SHE: variants seen among roughly 807,000 people sequenced by gnomAD.
SHE encodes the protein SH2 domain-containing adapter protein E.
SHE carries 11 observed loss-of-function variants against 49.8 expected under a neutral mutation model. The observed-to-expected ratio is 0.22, with a 90% CI of 0.14 to 0.37. The LOEUF is 0.37. SHE is among the 10% of genes least tolerant of loss of function. The probability of loss-of-function intolerance (pLI) is 1.00; values close to 1 mark genes in which losing one functional copy is unlikely to be tolerated. For synonymous variants in SHE, 310 were observed against 278.1 expected, an observed-to-expected ratio of 1.11 and a Z score of -1.14; for missense variants, 624 against 655.5, an observed-to-expected ratio of 0.95 and a Z score of 0.52.
intron 5 of SHE, chr1:154,484,588 A>G: frequency 2.6e-6 from 1 of 389,426 alleles, no homozygotes; most frequent in South Asian, 5.9e-5. Context: ...AAACAATTAA[A>G]AAGAATGCCA....
Position 154,482,782 on chromosome 1 carries a change from G to GA in SHE, c.*1366dup. The GA allele has an allele frequency of 1.0e-6, 1 of 985,332 alleles. No homozygotes were observed. The highest frequency in any genetic ancestry group is 1.7e-5 in the African/African-American group (1 of 57,354). 61.0% of individuals were successfully genotyped at this position (985,332 alleles called of 1,614,324 possible). A position where few individuals can be genotyped will look rare whatever the true frequency, so the allele number is the denominator to read the frequency against. ...GAATCTTAAGTAATGGTATTTAAGA[G>GA]AAAACCTCTAGGTCTTTTCAAACAC... On this transcript the variant is annotated 3_prime_UTR_variant, in exon 6 of 6. Transcript: ENST00000304760.
intron 5 of SHE, chr1:154,485,154 A>C (rs1239149329): frequency 6.6e-6 from 1 of 152,162 alleles, no homozygotes; most frequent in African/African-American, 2.4e-5. Context: ...GAAAGCTGGC[A>C]CCAAAAGCTC....
At chr1:154,476,671 T>G (rs1179222440), downstream of SHE, among the ~76,000 whole-genome samples, 1 of 150,602 alleles carries the variant, frequency 6.6e-6, no homozygotes, top group East Asian at 1.9e-4. Flanking sequence ...CCATACCGTC[T>G]CAGAAAAAAA....
Position 154,481,730 on chromosome 1 carries a change from A to G in SHE, c.*2419T>C. ...TGAATAATTTGTATAAAGATAATAA[A>G]TATTTGTTGAATGGATGCTGAAAAA... On this transcript the variant is annotated 3_prime_UTR_variant, in exon 6 of 6. Transcript: ENST00000304760. 1 of 957,988 alleles carries G rather than the reference A, an allele frequency of 1.0e-6. No homozygotes were observed. The highest frequency in any genetic ancestry group is 1.2e-6 in the Non-Finnish European group (1 of 804,984). 59.3% of individuals were successfully genotyped at this position (957,988 alleles called of 1,614,324 possible). A position where few individuals can be genotyped will look rare whatever the true frequency, so the allele number is the denominator to read the frequency against.
chr1:154,481,453 A>G lies in SHE; in HGVS notation c.*2696T>C, dbSNP rs1021001597. ...CACAGAGAAACAGTATAGAAGAAGC[A>G]TAATACTGGGCATATGACAGAAGCT... On this transcript the variant is annotated 3_prime_UTR_variant, in exon 6 of 6. Transcript: ENST00000304760. 1.0e-5 allele frequency: 10 copies of G among 985,340 alleles called. 1 individual carries two copies. Among genetic ancestry groups the G allele is most frequent in the Middle Eastern group, 1.0e-3 (2 of 1,936 alleles). The allele number at this position is 985,340 out of a possible 1,614,324, so 61.0% of individuals were successfully genotyped here.
At chr1:154,475,722 T>C (rs756640770), downstream of SHE, among the ~76,000 whole-genome samples, 6 of 152,168 alleles carry the variant, frequency 3.9e-5, no homozygotes, top group Admixed American at 1.3e-4. Flanking sequence ...CAAAACAAAA[T>C]TGGCTGTAAG....
chr1:154,488,680 G>A (rs910199018), intron 3 of SHE, among the ~76,000 whole-genome samples: 1 of 152,148 alleles, frequency 6.6e-6, no homozygotes, highest in African/African-American at 2.4e-5. Flanking sequence ...TCCGCCTCTT[G>A]AGTTCAAGCG....
rs1691967010 is a variant in SHE at position 154,479,622 on chromosome 1, AGACAC to A, written c.*4522_*4526del. The A allele has an allele frequency of 3.1e-6, 3 of 958,354 alleles. No individual in the cohort carries two copies. In the African/African-American group the frequency reaches 5.3e-5, roughly 17 times the overall value. The allele number at this position is 958,354 out of a possible 1,614,324, so 59.4% of individuals were successfully genotyped here. On this transcript the variant is annotated 3_prime_UTR_variant, in exon 6 of 6. Transcript: ENST00000304760. ...TTTAAATTACTAAGGCACTATAGAT[AGACAC>A]CTATATTACATACAATCTTCAAACA...
Position 154,482,766 on chromosome 1 carries a change from G to C in SHE, c.*1383C>G. The C allele has an allele frequency of 1.0e-6, 1 of 984,852 alleles. No individual in the cohort carries two copies. Among genetic ancestry groups the C allele is most frequent in the Non-Finnish European group, 1.2e-6 (1 of 829,448 alleles). The allele number at this position is 984,852 out of a possible 1,614,324, so 61.0% of individuals were successfully genotyped here. On this transcript the variant is annotated 3_prime_UTR_variant, in exon 6 of 6. Transcript: ENST00000304760. ...AAGATCCTAATACTATGAATCTTAA[G>C]TAATGGTATTTAAGAGAAAACCTCT...
At position 154,491,131 on chromosome 1, in the gene SHE, C is replaced by T. The variant is rs530727251; in HGVS notation, c.719-1775G>A. 5.6e-4 allele frequency among the ~76,000 whole-genome samples: 86 copies of T among 152,246 alleles called. 1 individual carries two copies. Among genetic ancestry groups the T allele is most frequent in the South Asian group, 5.4e-3 (26 of 4,824 alleles). ...AATGTCATTTTGTGGCTCTTCTAAA[C>T]GCCCATCAGGAAGCCTTCAAACCAT... On this transcript the variant is annotated intron_variant, in intron 2 of 5. Coordinates refer to ENST00000304760, the MANE Select transcript of SHE (RefSeq NM_001010846.3).
intron 1 of SHE, among the ~76,000 whole-genome samples, chr1:154,472,160 T>A (rs950627515): frequency 6.6e-6 from 1 of 152,088 alleles, no homozygotes; most frequent in South Asian, 2.1e-4. Flanking sequence ...GAAGAGCAAC[T>A]TTATTCTATT....
rs2149303457 is a variant in SHE at position 154,502,130 on chromosome 1, G to A, written c.-104C>T. The stretch of plus-strand genomic sequence containing the variant: ...ACGCCCGGCAGGGTGGGGTTCTCAC[G>A]GCTCGGGGCGCCGAGCGGGCGGGCG... On this transcript the variant is annotated 5_prime_UTR_variant, in exon 1 of 6. Coordinates refer to ENST00000304760, the MANE Select transcript of SHE (RefSeq NM_001010846.3). The A allele has an allele frequency of 5.2e-6, 5 of 952,728 alleles. No homozygotes were observed. Among genetic ancestry groups the A allele is most frequent in the African/African-American group, 1.7e-5 (1 of 58,354 alleles). 59.0% of individuals were successfully genotyped at this position (952,728 alleles called of 1,614,324 possible). A position where few individuals can be genotyped will look rare whatever the true frequency, so the allele number is the denominator to read the frequency against.
Position 154,489,177 on chromosome 1 carries a change from C to G in SHE, c.898G>C (p.Gly300Arg), listed in dbSNP as rs376775277. ...CGCGCCTTCCCCTCTGCCCTGGGCC[C>G]CCCTTCTGCAGGCTCGTAGGGAGTG... is the stretch of plus-strand genomic sequence containing the variant. ...YDTPYEPAEG[G>R]PRAEGKARPP... Residue 300 changes from glycine to arginine, a missense_variant, in exon 3 of 6, where the codon GGG (glycine) becomes CGG (arginine). Gly to Arg is a moderately radical substitution (Grantham distance 125). Transcript: ENST00000304760. The G allele has an allele frequency of 6.2e-7, 1 of 1,614,168 alleles. No individual in the cohort carries two copies. Among genetic ancestry groups the G allele is most frequent in the Non-Finnish European group, 8.5e-7 (1 of 1,180,030 alleles).
downstream of SHE, among the ~76,000 whole-genome samples, chr1:154,478,445 A>AC (rs1557793621): frequency 8.3e-5 from 12 of 144,772 alleles, no homozygotes; most frequent in South Asian, 2.2e-3. Flanking sequence ...AAAAAAAAAA[A>AC]AAACACTCTA....
downstream of SHE, among the ~76,000 whole-genome samples, chr1:154,478,126 AC>A (rs1283558651): frequency 6.6e-6 from 1 of 151,930 alleles, no homozygotes; most frequent in Non-Finnish European, 1.5e-5. Context: ...GCTGAATGAT[AC>A]TCTGCTGTAT....
chr1:154,475,854 C>T (rs1691865544), downstream of SHE, among the ~76,000 whole-genome samples: 1 of 152,080 alleles, frequency 6.6e-6, no homozygotes, highest in Non-Finnish European at 1.5e-5. Flanking sequence ...CAGCTAACTG[C>T]AACCTCCACC....
At chr1:154,486,158 T>C in intron 4 of SHE, 96 bp from the exon 5 acceptor site, 1 of 1,527,518 alleles carries the variant, frequency 6.5e-7, no homozygotes, top group Non-Finnish European at 8.9e-7. Flanking sequence ...TGAAATGAAC[T>C]TCTGGCAGAG....
downstream of SHE, among the ~76,000 whole-genome samples, chr1:154,475,223 T>G (rs1292171852): frequency 6.6e-6 from 1 of 152,002 alleles, no homozygotes. Flanking sequence ...TTTCACTCTT[T>G]TTGCCCAGGC....
At chr1:154,484,768 C>T (rs1440142938) in intron 5 of SHE, 1 of 153,674 alleles carries the variant, frequency 6.5e-6, no homozygotes, top group Non-Finnish European at 1.4e-5. Flanking sequence ...TCAAGACCAG[C>T]CTGGCCAACA....
Sources: gnomAD v4.1 joint callset for allele counts (sites outside exome capture counted in the v4.1 genomes callset) on GRCh38, gnomAD v4.1.1 for gene constraint, MANE v1.5 for transcripts, NCBI Gene and HGNC (gene_info 2026-07-23, HGNC 2026-07-21) for gene names.